NFXL1: variants seen among roughly 807,000 people sequenced by gnomAD.
NFXL1 encodes NF-X1-type zinc finger protein NFXL1.
NFXL1 carries 66 observed loss-of-function variants against 123.3 expected under a neutral mutation model. The observed-to-expected ratio is 0.54, with a 90% CI of 0.44 to 0.66. The LOEUF (loss-of-function observed/expected upper bound fraction) is 0.66. Among genes scored for constraint, NFXL1 ranks in the 30% least tolerant of loss-of-function variants. The pLI, the probability that NFXL1 is intolerant of heterozygous loss-of-function variation, is 0.00. For missense variants in NFXL1, 944 were observed against 1,125.6 expected, an observed-to-expected ratio of 0.84 and a Z score of 2.31; for synonymous variants, 346 against 360.8, an observed-to-expected ratio of 0.96 and a Z score of 0.46.
At chr4:47,906,915 G>A (rs1227022526) in intron 3 of NFXL1, among the ~76,000 whole-genome samples, 6 of 152,202 alleles carry the variant, frequency 3.9e-5, no homozygotes, top group Non-Finnish European at 5.9e-5. Flanking sequence ...TGAGTATGTG[G>A]AGGCCAAGAC....
intron 3 of NFXL1, among the ~76,000 whole-genome samples, chr4:47,909,924 G>A (rs1264402863): frequency 6.6e-6 from 1 of 152,184 alleles, no homozygotes; most frequent in Admixed American, 6.5e-5. Context: ...GCCTCCCAAA[G>A]TGCTGGGGTT....
rs115220354 is a variant in NFXL1 at position 47,854,846 on chromosome 4, C to T, written c.2421+213G>A. 9.2e-3 allele frequency among the ~76,000 whole-genome samples: 1,381 copies of T among 150,724 alleles called. 17 individuals are homozygous for T. The highest frequency in any genetic ancestry group is 0.031 in the African/African-American group (1,275 of 41,076). On this transcript the variant is annotated intron_variant, in intron 20 of 22. Coordinates refer to ENST00000507489, the MANE Select transcript of NFXL1 (RefSeq NM_001278624.2). ...TGTTAAATTGCAGAAAATTAAATCGCCAAAGCTTATGTTTAAAATAAATGT... is the reference window on the plus strand; with the variant it reads ...TGTTAAATTGCAGAAAATTAAATCGTCAAAGCTTATGTTTAAAATAAATGT...
chr4:47,857,259 T>G (rs1390192571), intron 19 of NFXL1, among the ~76,000 whole-genome samples: 3 of 152,156 alleles, frequency 2.0e-5, no homozygotes, highest in Non-Finnish European at 4.4e-5. Flanking sequence ...CTTCCAGCTA[T>G]TTGGAAATAT....
chr4:47,880,528 C>T (rs563208085), intron 15 of NFXL1, among the ~76,000 whole-genome samples: 8 of 147,408 alleles, frequency 5.4e-5, no homozygotes, highest in Non-Finnish European at 1.2e-4. Context: ...TCAAAATATA[C>T]TCAATAAGAA....
At chr4:47,903,857 A>C (rs1350897697) in intron 4 of NFXL1, among the ~76,000 whole-genome samples, 3 of 152,196 alleles carry the variant, frequency 2.0e-5, no homozygotes, top group Non-Finnish European at 4.4e-5. Context: ...CTAAATTCTA[A>C]AAATTAGGTA....
At chr4:47,913,838 G>A in intron 2 of NFXL1, 131 bp downstream of exon 2, 1 of 582,128 alleles carries the variant, frequency 1.7e-6, no homozygotes, top group South Asian at 2.6e-5. Context: ...GGCTGGAGAA[G>A]TGGGCCCGAT....
chr4:47,873,037 G>T (rs1334220264), intron 18 of NFXL1, among the ~76,000 whole-genome samples: 1 of 152,142 alleles, frequency 6.6e-6, no homozygotes. Flanking sequence ...TGTCATTTCA[G>T]CAATGTTCAC....
At chr4:47,876,966 TATTAGGCAGTGAGTAACA>T in intron 17 of NFXL1, 1 of 654,132 alleles carries the variant, frequency 1.5e-6, no homozygotes, top group Non-Finnish European at 2.3e-6. Context: ...ACTGAGCAAA[TATTAGGCAGTGAGTAACA>T]AAATATGCAA....
rs902812674 is a variant in NFXL1 at position 47,847,452 on chromosome 4, C to A, written c.*711G>T. 3 of 152,182 alleles carry A rather than the reference C, an allele frequency of 2.0e-5. No individual in the cohort carries two copies. The highest frequency in any genetic ancestry group is 7.2e-5 in the African/African-American group (3 of 41,438). 9.4% of individuals were successfully genotyped at this position (152,182 alleles called of 1,614,324 possible). On this transcript the variant is annotated 3_prime_UTR_variant, in exon 23 of 23. Transcript: ENST00000507489. ...GACCTCATAAGCCCTGTTGTCAGCA[C>A]ATATTCTTCATAAATACTCATCTTC... is the stretch of plus-strand genomic sequence containing the variant.
rs531811324 is a variant in NFXL1 at position 47,913,547 on chromosome 4, C to G, written c.235+422G>C. The stretch of plus-strand genomic sequence containing the variant: ...GATTTCTGTGACTCAGCCGAGCTGA[C>G]TGTTGCCATGCACAAAGATAACTAA... On this transcript the variant is annotated intron_variant, in intron 2 of 22. Coordinates refer to ENST00000507489, the MANE Select transcript of NFXL1 (RefSeq NM_001278624.2). 3.5e-4 allele frequency among the ~76,000 whole-genome samples: 53 copies of G among 152,352 alleles called. No homozygotes were observed. The South Asian group carries it at 8.7e-3, about 25-fold the overall frequency.
chr4:47,849,952 A>T lies in NFXL1; in HGVS notation c.2562+1143T>A, dbSNP rs548545730. On this transcript the variant is annotated intron_variant, in intron 22 of 22. Transcript: ENST00000507489. ...CTGTATTTTAAAATGCGTATTATTT[A>T]TTTTTTTTTTTTTTTACTTGTTTTG... Among the ~76,000 whole-genome samples, 691 of 149,626 alleles carry T rather than the reference A, an allele frequency of 4.6e-3. 3 individuals carry two copies. The highest frequency in any genetic ancestry group is 7.0e-3 in the Non-Finnish European group (472 of 67,224).
At chr4:47,908,371 C>G (rs1316907894) in intron 3 of NFXL1, among the ~76,000 whole-genome samples, 1 of 151,550 alleles carries the variant, frequency 6.6e-6, no homozygotes, top group East Asian at 1.9e-4. Context: ...TTGTAGGGAG[C>G]TATGATCACA....
chr4:47,852,427 T>C lies in NFXL1; in HGVS notation c.2422-485A>G, dbSNP rs866226940. Among the ~76,000 whole-genome samples the C allele has an allele frequency of 1.4e-4, 21 of 152,288 alleles. No homozygotes were observed. The South Asian group carries it at 3.7e-3, about 27-fold the overall frequency. On this transcript the variant is annotated intron_variant, in intron 20 of 22. Transcript: ENST00000507489. ...TGAAAATGAGGAACCAAATTTTTAATACTGTTTTATGCTAATTCATTACAA... is the reference window on the plus strand; with the variant it reads ...TGAAAATGAGGAACCAAATTTTTAACACTGTTTTATGCTAATTCATTACAA...
chr4:47,894,422 C>G, intron 10 of NFXL1, 120 bp from the exon 11 acceptor site: 1 of 567,808 alleles, frequency 1.8e-6, no homozygotes, highest in Non-Finnish European at 2.7e-6. Context: ...ATTTGTATAA[C>G]AAACTTTACC....
chr4:47,882,053 A>G (rs1177412172), intron 15 of NFXL1, among the ~76,000 whole-genome samples: 1 of 152,236 alleles, frequency 6.6e-6, no homozygotes, highest in African/African-American at 2.4e-5. Flanking sequence ...AGCTAATGAT[A>G]AAGTACCAAT....
intron 2 of NFXL1, among the ~76,000 whole-genome samples, chr4:47,912,207 T>C (rs1423414179): frequency 6.6e-6 from 1 of 152,152 alleles, no homozygotes; most frequent in Non-Finnish European, 1.5e-5. Context: ...CTATGAGATA[T>C]ATAACTCAAA....
At chr4:47,896,195 A>T (rs1737074489) in intron 10 of NFXL1, among the ~76,000 whole-genome samples, 1 of 152,238 alleles carries the variant, frequency 6.6e-6, no homozygotes, top group African/African-American at 2.4e-5. Flanking sequence ...AAAAGTCTGA[A>T]ATAGTGCAAG....
chr4:47,878,547 TC>T lies in NFXL1; in HGVS notation c.2056del (p.Asp686MetfsTer26). 1 of 1,594,004 alleles carries T rather than the reference TC, an allele frequency of 6.3e-7. No homozygotes were observed. Among genetic ancestry groups the T allele is most frequent in the Non-Finnish European group, 8.5e-7 (1 of 1,171,156 alleles). Reference protein sequence around the residue: ...MKECHKVTKTDGCTGKNKAGP... With the variant: ...MKECHKVTKTXGCTGKNKAGP... ...TACCTTGTTTTTTCCAGTGCAGCCA[TC>T]AGTTTTGGTTACTTTGTGGCATTCT... On this transcript the variant is annotated frameshift_variant, in exon 17 of 23. Coordinates refer to ENST00000507489, the MANE Select transcript of NFXL1 (RefSeq NM_001278624.2). LOFTEE classifies it high-confidence loss of function.
intron 18 of NFXL1, among the ~76,000 whole-genome samples, chr4:47,874,926 A>T (rs985558948): frequency 6.6e-6 from 1 of 152,152 alleles, no homozygotes; most frequent in Non-Finnish European, 1.5e-5. Context: ...CGAAATGGAA[A>T]AAAAGCACAA....
Sources: gnomAD v4.1 joint callset for allele counts (sites outside exome capture counted in the v4.1 genomes callset) on GRCh38, gnomAD v4.1.1 for gene constraint, MANE v1.5 for transcripts, NCBI Gene and HGNC (gene_info 2026-07-23, HGNC 2026-07-21) for gene names.